Variants in TFB1M observed in about 807,000 individuals in gnomAD.
TFB1M encodes dimethyladenosine transferase 1, mitochondrial.
In TFB1M, 27 loss-of-function variants were observed where a neutral mutation model predicts 31.1. The observed-to-expected ratio is 0.87, with a 90% CI of 0.64 to 1.20. TFB1M has a LOEUF of 1.20. TFB1M is among the 50% of genes most tolerant of loss of function. The pLI is 0.00. For missense variants in TFB1M, 394 were observed against 418.7 expected, an observed-to-expected ratio of 0.94 and a Z score of 0.51; for synonymous variants, 166 against 151.8, an observed-to-expected ratio of 1.09 and a Z score of -0.69.
At chr6:155,293,938 A>G (rs576071465) in intron 4 of TFB1M, among the ~76,000 whole-genome samples, 1 of 152,234 alleles carries the variant, frequency 6.6e-6, no homozygotes, top group South Asian at 2.1e-4. Flanking sequence ...ATTGGCTCCA[A>G]TCTGGACTGG....
At chr6:155,249,831 T>C in the TFB1M span, 1 of 1,558,800 alleles carries the variant, frequency 6.4e-7, no homozygotes, top group Non-Finnish European at 8.8e-7. Flanking sequence ...ATGAAATAAA[T>C]ATGATTTCAT....
intron 5 of TFB1M, among the ~76,000 whole-genome samples, chr6:155,280,474 A>G (rs1292773576): frequency 6.6e-6 from 1 of 152,200 alleles, no homozygotes; most frequent in Non-Finnish European, 1.5e-5. Context: ...TCTAGGCTGA[A>G]GCTCCTCCAG....
intron 5 of TFB1M, among the ~76,000 whole-genome samples, chr6:155,271,750 A>G (rs1460494189): frequency 6.6e-6 from 1 of 152,220 alleles, no homozygotes; most frequent in East Asian, 1.9e-4. Flanking sequence ...ATCTTTCAAC[A>G]TAGAGAAAAT....
chr6:155,234,005 G>A, the TFB1M span, among the ~76,000 whole-genome samples: 3 of 50,918 alleles, frequency 5.9e-5, no homozygotes, highest in Admixed American at 3.2e-4. Context: ...ATTTTTTTTG[G>A]GGGGGGGTTG....
chr6:155,265,761 TTA>T (rs1226416305), intron 5 of TFB1M, among the ~76,000 whole-genome samples: 2 of 144,826 alleles, frequency 1.4e-5, no homozygotes, highest in Non-Finnish European at 3.0e-5. Flanking sequence ...TAATATATAT[TTA>T]ATATATAATA....
intron 5 of TFB1M, among the ~76,000 whole-genome samples, chr6:155,268,029 G>A (rs1248453069): frequency 1.3e-5 from 2 of 152,084 alleles, no homozygotes; most frequent in Admixed American, 1.3e-4. Flanking sequence ...GAAATTTTGG[G>A]TTCTTTTTAC....
chr6:155,254,469 G>A (rs969956949), downstream of TFB1M: 1 of 1,614,148 alleles, frequency 6.2e-7, no homozygotes, highest in East Asian at 2.2e-5. Flanking sequence ...TCTATTCTGA[G>A]GGAGAACTTC....
the TFB1M span, among the ~76,000 whole-genome samples, chr6:155,240,134 T>A: frequency 6.6e-6 from 1 of 152,220 alleles, no homozygotes; most frequent in Non-Finnish European, 1.5e-5. Context: ...AGGCCAACCA[T>A]TGAGGGGACT....
rs147336005 is a variant in TFB1M at position 155,272,600 on chromosome 6, C to T, written c.667-12200G>A. On this transcript the variant is annotated intron_variant, in intron 5 of 6. Coordinates refer to ENST00000367166, the MANE Select transcript of TFB1M (RefSeq NM_016020.4). The stretch of plus-strand genomic sequence containing the variant: ...AAATTTTGAGAGAACAGGCCACAAA[C>T]GGTATTATACTCGTGGCTGGAGGGT... 5.5e-4 allele frequency among the ~76,000 whole-genome samples: 83 copies of T among 152,018 alleles called. 2 individuals are homozygous for T. Among genetic ancestry groups the T allele is most frequent in the African/African-American group, 1.9e-3 (79 of 41,468 alleles).
intron 5 of TFB1M, among the ~76,000 whole-genome samples, chr6:155,279,029 G>A (rs1261904104): frequency 1.3e-5 from 2 of 152,066 alleles, no homozygotes; most frequent in Non-Finnish European, 2.9e-5. Context: ...GTAGGAAGAG[G>A]CCAGGGATGC....
chr6:155,311,212 G>A lies in TFB1M; in HGVS notation c.261C>T (p.Asp87=). The change falls in exon 2 of 7, where the codon GAC becomes GAT. Residue 87 remains aspartate, a synonymous_variant. Coordinates refer to ENST00000367166, the MANE Select transcript of TFB1M (RefSeq NM_016020.4). The part of the protein sequence containing the change: ...DVAELLVVEK[D]TRFIPGLQML... ...CCTGTAATCCAGGAATAAATCGAGTGTCCTTTTCAACCACCAGAAGTTCAG... is the reference window on the plus strand; with the variant it reads ...CCTGTAATCCAGGAATAAATCGAGTATCCTTTTCAACCACCAGAAGTTCAG... The A allele has an allele frequency of 1.2e-6, 2 of 1,614,098 alleles. No individual in the cohort carries two copies. Among genetic ancestry groups the A allele is most frequent in the East Asian group, 2.2e-5 (1 of 44,884 alleles).
the TFB1M span, among the ~76,000 whole-genome samples, chr6:155,234,761 T>C: frequency 6.6e-6 from 1 of 152,228 alleles, no homozygotes; most frequent in African/African-American, 2.4e-5. Flanking sequence ...GCTCAATAGA[T>C]GTCCCAGTTG....
intron 5 of TFB1M, among the ~76,000 whole-genome samples, chr6:155,266,763 C>T (rs1395028536): frequency 2.9e-5 from 4 of 137,820 alleles, no homozygotes; most frequent in Admixed American, 1.6e-4. Flanking sequence ...AGGAGAATGG[C>T]GTGAGCCTGG....
At chr6:155,240,155 G>T in the TFB1M span, among the ~76,000 whole-genome samples, 3 of 152,372 alleles carry the variant, frequency 2.0e-5, no homozygotes, top group Admixed American at 1.3e-4. Flanking sequence ...GGGTGGGCCT[G>T]TTGAGGCCAT....
At chr6:155,253,014 C>A (rs868699764), downstream of TFB1M, 1 of 1,614,014 alleles carries the variant, frequency 6.2e-7, no homozygotes, top group Non-Finnish European at 8.5e-7. Flanking sequence ...CTGGTTGATC[C>A]CCATCTCCGC....
rs1189883482 is a variant in TFB1M at position 155,257,131 on chromosome 6, A to G, written c.*705T>C. ...CCACGGAAAATCATAGTATGATTCAATCCAGATATGGGTTAAATTCCTCAT... is the reference window on the plus strand; with the variant it reads ...CCACGGAAAATCATAGTATGATTCAGTCCAGATATGGGTTAAATTCCTCAT... On this transcript the variant is annotated 3_prime_UTR_variant, in exon 7 of 7. Transcript: ENST00000367166. 1 of 1,612,708 alleles carries G rather than the reference A, an allele frequency of 6.2e-7. No individual in the cohort carries two copies. The highest frequency in any genetic ancestry group is 1.7e-5 in the Admixed American group (1 of 59,936).
intron 4 of TFB1M, among the ~76,000 whole-genome samples, chr6:155,291,323 A>G (rs532370216): frequency 6.6e-6 from 1 of 152,348 alleles, no homozygotes; most frequent in Admixed American, 6.5e-5. Context: ...GAAGTTGTAT[A>G]AGTGCAGAGG....
At chr6:155,294,619 T>C (rs578252852) in intron 4 of TFB1M, among the ~76,000 whole-genome samples, 1 of 152,304 alleles carries the variant, frequency 6.6e-6, no homozygotes, top group African/African-American at 2.4e-5. Context: ...GACATTCCAT[T>C]ACCCTGAGAT....
rs552863053 is a variant in TFB1M, at chr6:155,298,549, C to A, written c.322G>T (p.Val108Phe). Reference protein sequence around the residue: ...SDAAPGKLRIVHGDVLTFKVE... With the variant: ...SDAAPGKLRIFHGDVLTFKVE... ...TTAAATGTCAAGACATCTCCATGAA[C>A]AATTCTCAGTTTCCCAGGTGCTGCA... Residue 108 changes from valine (V) to phenylalanine (F), a missense_variant, in exon 3 of 7, where the codon GTT (valine) becomes TTT (phenylalanine). Val to Phe is a conservative substitution (Grantham distance 50). Around this residue, in one of 3 missense-constraint regions of TFB1M, gnomAD observed 273 missense variants for 256.4 expected, o/e 1.06. Transcript: ENST00000367166. The A allele has an allele frequency of 1.8e-5, 29 of 1,613,442 alleles. No homozygotes were observed. The African/African-American group carries it at 3.1e-4, about 17-fold the overall frequency.
Sources: gnomAD v4.1 joint callset for allele counts (sites outside exome capture counted in the v4.1 genomes callset) on GRCh38, gnomAD v4.1.1 for gene constraint, gnomAD v4.1.1 regional missense constraint, MANE v1.5 for transcripts, NCBI Gene and HGNC (gene_info 2026-07-23, HGNC 2026-07-21) for gene names.